MON1B: variants seen among roughly 807,000 people sequenced by gnomAD.
The protein encoded by MON1B is MON1 vesicular trafficking associated B.
MON1B carries 26 observed loss-of-function variants against 45.1 expected under a neutral mutation model. That is an observed-to-expected ratio of 0.58 (90% CI 0.42 to 0.80). The LOEUF is 0.80. Among genes scored for constraint, MON1B ranks in the 30% least tolerant of loss-of-function variants. The pLI is 0.00. For synonymous variants in MON1B, 395 were observed against 320.2 expected, an observed-to-expected ratio of 1.23 and a Z score of -2.49; for missense variants, 737 against 754.5, an observed-to-expected ratio of 0.98 and a Z score of 0.27.
In MON1B at chr16:77,198,359, T is replaced by C. The variant is rs574875070; in HGVS notation, c.*51T>C. On this transcript the variant is annotated 3_prime_UTR_variant, in exon 6 of 6. Coordinates refer to ENST00000248248, the MANE Select transcript of MON1B (RefSeq NM_014940.4). ...TGCTGGGAGCAACCACCTTTGTTTTTTACCTTCTGTCTACCCTGGAAATGT... is the reference window on the plus strand; with the variant it reads ...TGCTGGGAGCAACCACCTTTGTTTTCTACCTTCTGTCTACCCTGGAAATGT... 2.6e-6 allele frequency: 4 copies of C among 1,556,470 alleles called. No individual in the cohort carries two copies. In the African/African-American group the frequency reaches 4.1e-5, roughly 16 times the overall value.
intron 5 of MON1B, among the ~76,000 whole-genome samples, chr16:77,196,956 T>C (rs1279383470): frequency 6.6e-6 from 1 of 152,228 alleles, no homozygotes; most frequent in Non-Finnish European, 1.5e-5. Context: ...GGCTGATCCC[T>C]GTGTCTCTGA....
chr16:77,194,257 G>T lies in MON1B; in HGVS notation c.476-78G>T. 1 of 1,293,108 alleles carries T rather than the reference G, an allele frequency of 7.7e-7. No homozygotes were observed. 80.1% of individuals were successfully genotyped at this position (1,293,108 alleles called of 1,614,324 possible). ...GCCTGGTGTGTGTATGGTAGGAGAG[G>T]GCAGAAGAGCCCCACTGTCTCCCTC... is the stretch of plus-strand genomic sequence containing the variant. On this transcript the variant is annotated intron_variant, in intron 3 of 5. Coordinates refer to ENST00000248248, the MANE Select transcript of MON1B (RefSeq NM_014940.4). The surrounding 1 kb of genome is among the most constrained non-coding windows in gnomAD (Gnocchi z 8.1).
Position 77,202,019 on chromosome 16 carries a change from T to C in MON1B, c.*3711T>C. The C allele has an allele frequency of 6.6e-6, 1 of 152,192 alleles. No individual in the cohort carries two copies. Among genetic ancestry groups the C allele is most frequent in the East Asian group, 1.9e-4 (1 of 5,198 alleles). The allele number at this position is 152,192 out of a possible 1,614,324, so 9.4% of individuals were successfully genotyped here. A position where few individuals can be genotyped will look rare whatever the true frequency, so the allele number is the denominator to read the frequency against. ...CAAGGAATTTGGATTTTGGGAGTAG[T>C]GCAGAGGTAGAGGCATTTTTGTGAT... On this transcript the variant is annotated 3_prime_UTR_variant, in exon 6 of 6. Coordinates refer to ENST00000248248, the MANE Select transcript of MON1B (RefSeq NM_014940.4).
In MON1B at chr16:77,202,065, C is replaced by A. The variant is rs1359647015; in HGVS notation, c.*3757C>A. On this transcript the variant is annotated 3_prime_UTR_variant, in exon 6 of 6. Coordinates refer to ENST00000248248, the MANE Select transcript of MON1B (RefSeq NM_014940.4). ...GTGATTTATTGTTCTATTTTTTCTT[C>A]TAGAAAAATGTAAGTAGTCATATAT... is the stretch of plus-strand genomic sequence containing the variant. The A allele has an allele frequency of 6.6e-6, 1 of 151,894 alleles. No individual in the cohort carries two copies. 9.4% of individuals were successfully genotyped at this position (151,894 alleles called of 1,614,324 possible). A position where few individuals can be genotyped will look rare whatever the true frequency, so the allele number is the denominator to read the frequency against.
At chr16:77,196,265 A>G (rs1222373806) in intron 5 of MON1B, among the ~76,000 whole-genome samples, 1 of 149,882 alleles carries the variant, frequency 6.7e-6, no homozygotes, top group East Asian at 1.9e-4. Flanking sequence ...GCTGTGGATC[A>G]GGTATTGTCC....
At position 77,193,314 on chromosome 16, in the gene MON1B, G is replaced by C; in HGVS notation, c.149-137G>C. ...CTAGGGCAGTCATCGGGTCATTGAGGGGCATAGGAGACACTTGGAGTTCTG... is the reference window on the plus strand; with the variant it reads ...CTAGGGCAGTCATCGGGTCATTGAGCGGCATAGGAGACACTTGGAGTTCTG... On this transcript the variant is annotated intron_variant, in intron 2 of 5. Coordinates refer to ENST00000248248, the MANE Select transcript of MON1B (RefSeq NM_014940.4). This position sits in a 1 kb window ranked among gnomAD's most constrained non-coding sequence, Gnocchi z 5.0. 1 of 770,528 alleles carries C rather than the reference G, an allele frequency of 1.3e-6. No individual in the cohort carries two copies. The highest frequency in any genetic ancestry group is 1.9e-5 in the South Asian group (1 of 52,268). The allele number at this position is 770,528 out of a possible 1,614,324, so 47.7% of individuals were successfully genotyped here.
In MON1B at chr16:77,199,665, C is replaced by T. The variant is rs2054709291; in HGVS notation, c.*1357C>T. The T allele has an allele frequency of 6.2e-6, 4 of 648,778 alleles. No individual in the cohort carries two copies. The highest frequency in any genetic ancestry group is 3.0e-5 in the Admixed American group (1 of 32,962). 40.2% of individuals were successfully genotyped at this position (648,778 alleles called of 1,614,324 possible). On this transcript the variant is annotated 3_prime_UTR_variant, in exon 6 of 6. Transcript: ENST00000248248. ...TATTGAAGAAAAACAATTTTTTAAC[C>T]GTTCAGCACAGTGGAGATAAATTAA... is the stretch of plus-strand genomic sequence containing the variant.
chr16:77,195,537 C>G lies in MON1B; in HGVS notation c.1298C>G (p.Pro433Arg). ...TCCACCTCCCTCCATCATGGCAGCC[C>G]TGAGCTAGAGGCCCCCTACAGCAGA... ...HHRQLPQFTS[P>R]ELEAPYSREE... The change falls in exon 5 of 6, where the codon CCT (proline) becomes CGT (arginine). Residue 433 changes from proline (P) to arginine (R), a missense_variant and splice_region_variant. Pro to Arg is a moderately radical substitution (Grantham distance 103). Transcript: ENST00000248248. 1 of 1,612,928 alleles carries G rather than the reference C, an allele frequency of 6.2e-7. No homozygotes were observed. Among genetic ancestry groups the G allele is most frequent in the Non-Finnish European group, 8.5e-7 (1 of 1,179,362 alleles).
Position 77,193,965 on chromosome 16 carries a change from A to G in MON1B, c.475+188A>G, listed in dbSNP as rs2054638297. On this transcript the variant is annotated intron_variant, in intron 3 of 5. Coordinates refer to ENST00000248248, the MANE Select transcript of MON1B (RefSeq NM_014940.4). This position sits in a 1 kb window ranked among gnomAD's most constrained non-coding sequence, Gnocchi z 5.0. ...TCTCTGTCTGGCCTGCTGGTTTCTT[A>G]GTGATTGACTTGCTGGGATCTCAGT... is the stretch of plus-strand genomic sequence containing the variant. 1.6e-6 allele frequency: 1 copy of G among 632,298 alleles called. No individual in the cohort carries two copies. Among genetic ancestry groups the G allele is most frequent in the Non-Finnish European group, 2.7e-6 (1 of 366,646 alleles). The allele number at this position is 632,298 out of a possible 1,614,324, so 39.2% of individuals were successfully genotyped here. A position where few individuals can be genotyped will look rare whatever the true frequency, so the allele number is the denominator to read the frequency against.
In MON1B at chr16:77,194,967, G is replaced by A. The variant is rs1374652227; in HGVS notation, c.1108G>A (p.Val370Ile). The change falls in exon 4 of 6, where the codon GTT becomes ATT. Residue 370 changes from valine to isoleucine, a missense_variant. Transcript: ENST00000248248. The surrounding 1 kb of genome is among the most constrained non-coding windows in gnomAD (Gnocchi z 8.1). ...FHAMAACRRL[V>I]EDGMHALGAM... ...TGCCATGGCCGCCTGCCGGCGCCTG[G>A]TTGAAGATGGGATGCATGCCCTTGG... 1.9e-6 allele frequency: 3 copies of A among 1,613,810 alleles called. No individual in the cohort carries two copies. The highest frequency in any genetic ancestry group is 2.2e-5 in the East Asian group (1 of 44,890).
Position 77,194,382 on chromosome 16 carries a change from G to A in MON1B, c.523G>A (p.Ala175Thr), listed in dbSNP as rs2054642591. 6 of 1,611,800 alleles carry A rather than the reference G, an allele frequency of 3.7e-6. No homozygotes were observed. The African/African-American group carries it at 6.7e-5, about 18-fold the overall frequency. ...ACAACAGGGCCCACTGTTGCTCGTGGCCATGTCACGGACTTCTCAGTCAGC... is the reference window on the plus strand; with the variant it reads ...ACAACAGGGCCCACTGTTGCTCGTGACCATGTCACGGACTTCTCAGTCAGC... The part of the protein sequence containing the change: ...FLQQGPLLLV[A>T]MSRTSQSAAQ... Residue 175 changes from alanine (A) to threonine (T), a missense_variant, in exon 4 of 6, where the codon GCC (alanine) becomes ACC (threonine). Coordinates refer to ENST00000248248, the MANE Select transcript of MON1B (RefSeq NM_014940.4). This position sits in a 1 kb window ranked among gnomAD's most constrained non-coding sequence, Gnocchi z 8.1.
In MON1B at chr16:77,191,404, G is replaced by A. The variant is rs2054613130; in HGVS notation, c.-10-72G>A. ...ATGAGCAGTAGGAGTGTGTCCAAGG[G>A]GGCCTGACTCTATAAAGGCTTTTCA... is the stretch of plus-strand genomic sequence containing the variant. On this transcript the variant is annotated intron_variant, in intron 1 of 5. Coordinates refer to ENST00000248248, the MANE Select transcript of MON1B (RefSeq NM_014940.4). 3 of 1,579,894 alleles carry A rather than the reference G, an allele frequency of 1.9e-6. No homozygotes were observed. In the Admixed American group the frequency reaches 5.4e-5, roughly 28 times the overall value.
intron 4 of MON1B, 127 bp downstream of exon 4, chr16:77,195,281 C>G: frequency 9.1e-7 from 1 of 1,094,826 alleles, no homozygotes; most frequent in East Asian, 2.6e-5. Flanking sequence ...GAGAACAAGT[C>G]TCTGTCTGAT....
At position 77,195,693 on chromosome 16, in the gene MON1B, C is replaced by T. The variant is rs374239495; in HGVS notation, c.1443+11C>T. ...ACACTACTGGCCTGGGTAAGTTGGG[C>T]AGGGCTCTGAGTGAATTAATTCCCC... is the stretch of plus-strand genomic sequence containing the variant. On this transcript the variant is annotated intron_variant, in intron 5 of 5. Transcript: ENST00000248248. The T allele has an allele frequency of 5.6e-6, 9 of 1,613,746 alleles. No homozygotes were observed. In the African/African-American group the frequency reaches 1.1e-4, roughly 19 times the overall value.
At position 77,193,873 on chromosome 16, in the gene MON1B, AGGG is replaced by A; in HGVS notation, c.475+97_475+99del. On this transcript the variant is annotated intron_variant, in intron 3 of 5. Coordinates refer to ENST00000248248, the MANE Select transcript of MON1B (RefSeq NM_014940.4). This position sits in a 1 kb window ranked among gnomAD's most constrained non-coding sequence, Gnocchi z 5.0. The stretch of plus-strand genomic sequence containing the variant: ...TGCCTCAGGCACTATCCAGCCAGCC[AGGG>A]TTGGGTCCATGTGTGTGGATGGTCA... The A allele has an allele frequency of 7.5e-7, 1 of 1,324,568 alleles. No individual in the cohort carries two copies. The highest frequency in any genetic ancestry group is 1.0e-6 in the Non-Finnish European group (1 of 972,508). 82.1% of individuals were successfully genotyped at this position (1,324,568 alleles called of 1,614,324 possible). A position where few individuals can be genotyped will look rare whatever the true frequency, so the allele number is the denominator to read the frequency against.
chr16:77,193,668 C>T lies in MON1B; in HGVS notation c.366C>T (p.Ile122=). The part of the protein sequence containing the change: ...VFVLSEAGKP[I]YSRYGSVEAL... Reference sequence around the variant, plus strand: ...TGCTGAGTGAGGCTGGCAAGCCCATCTACTCGCGGTATGGTAGTGTGGAGG... The same window carrying T: ...TGCTGAGTGAGGCTGGCAAGCCCATTTACTCGCGGTATGGTAGTGTGGAGG... The change falls in exon 3 of 6, where the codon ATC becomes ATT. Residue 122 remains isoleucine (I), a synonymous_variant. Coordinates refer to ENST00000248248, the MANE Select transcript of MON1B (RefSeq NM_014940.4). The surrounding 1 kb of genome is among the most constrained non-coding windows in gnomAD (Gnocchi z 5.0). 1.2e-6 allele frequency: 2 copies of T among 1,614,112 alleles called. No individual in the cohort carries two copies. The highest frequency in any genetic ancestry group is 1.7e-6 in the Non-Finnish European group (2 of 1,179,992).
intron 5 of MON1B, among the ~76,000 whole-genome samples, chr16:77,196,621 C>G (rs1181149427): frequency 1.3e-5 from 2 of 151,992 alleles, no homozygotes; most frequent in Non-Finnish European, 2.9e-5. Context: ...ACTAAAAATA[C>G]AAAAATTAGC....
rs925172728 is a variant in MON1B, at chr16:77,201,392, A to G, written c.*3084A>G. On this transcript the variant is annotated 3_prime_UTR_variant, in exon 6 of 6. Transcript: ENST00000248248. ...ATGACTAACTTCACCAGCAAAGGAA[A>G]AATTGAAGGATGTATCAAGTTGCCA... 6.6e-6 allele frequency: 1 copy of G among 152,238 alleles called. No individual in the cohort carries two copies. The highest frequency in any genetic ancestry group is 2.4e-5 in the African/African-American group (1 of 41,462). 9.4% of individuals were successfully genotyped at this position (152,238 alleles called of 1,614,324 possible). A position where few individuals can be genotyped will look rare whatever the true frequency, so the allele number is the denominator to read the frequency against.
Position 77,199,453 on chromosome 16 carries a change from T to C in MON1B, c.*1145T>C. 4 of 1,551,404 alleles carry C rather than the reference T, an allele frequency of 2.6e-6. No individual in the cohort carries two copies. Among genetic ancestry groups the C allele is most frequent in the South Asian group, 1.2e-5 (1 of 84,044 alleles). ...CGCGCGCAGGCCCCGCGTTGGAAAATGGCGGGGAAGCTGAAACCTCTGAAT... is the reference window on the plus strand; with the variant it reads ...CGCGCGCAGGCCCCGCGTTGGAAAACGGCGGGGAAGCTGAAACCTCTGAAT... On this transcript the variant is annotated 3_prime_UTR_variant, in exon 6 of 6. Coordinates refer to ENST00000248248, the MANE Select transcript of MON1B (RefSeq NM_014940.4).
Sources: gnomAD v4.1 joint callset for allele counts (sites outside exome capture counted in the v4.1 genomes callset) on GRCh38, gnomAD v4.1.1 for gene constraint, Gnocchi (gnomAD v3.1) non-coding constraint, MANE v1.5 for transcripts, NCBI Gene and HGNC (gene_info 2026-07-23, HGNC 2026-07-21) for gene names.